DPYD: variants seen among roughly 807,000 people sequenced by gnomAD.
DPYD encodes dihydropyrimidine dehydrogenase [NADP(+)].
DPYD carries 109 observed loss-of-function variants against 116.2 expected under a neutral mutation model. The ratio of observed to expected loss-of-function variants is 0.94; its 90% CI spans 0.80 to 1.10. The LOEUF is 1.10. Among genes scored for constraint, DPYD ranks in the 50% least tolerant of loss-of-function variants. DPYD has a pLI of 0.00. For missense variants in DPYD, 1,302 were observed against 1,254.5 expected, an observed-to-expected ratio of 1.04 and a Z score of -0.57; for synonymous variants, 440 against 432.0, an observed-to-expected ratio of 1.02 and a Z score of -0.23.
chr1:97,866,355 T>C (rs984078691), intron 2 of DPYD, among the ~76,000 whole-genome samples: 43 of 151,952 alleles, frequency 2.8e-4, no homozygotes, highest in African/African-American at 1.0e-3. Flanking sequence ...CAGATACTGA[T>C]GGATGTGTTT....
In DPYD at chr1:97,515,898, A is replaced by G; in HGVS notation, c.1568T>C (p.Leu523Pro). 9 of 1,612,888 alleles carry G rather than the reference A, an allele frequency of 5.6e-6. No homozygotes were observed. The highest frequency in any genetic ancestry group is 1.3e-5 in the African/African-American group (1 of 74,968). ...CACCAGATCAATAGGAGTGTAAAAG[A>G]GGGGTAGTTCAGGCTTGGCAGAAAC... ...ASVSAKPELP[L>P]FYTPIDLVDI... The change falls in exon 13 of 23, where the codon CTC becomes CCC. Residue 523 changes from leucine (L) to proline (P), a missense_variant. Leu to Pro is a moderately conservative substitution (Grantham distance 98). Transcript: ENST00000370192.
chr1:97,763,965 C>A (rs1665716785), intron 3 of DPYD, among the ~76,000 whole-genome samples: 1 of 152,004 alleles, frequency 6.6e-6, no homozygotes, highest in South Asian at 2.1e-4. Flanking sequence ...CTAACAGTTA[C>A]TACATATTTT....
intron 10 of DPYD, among the ~76,000 whole-genome samples, chr1:97,580,936 G>T (rs2811211): frequency 0.89 from 134,596 of 152,044 alleles, 60,806 homozygotes; most frequent in East Asian, 0.98. Flanking sequence ...AGTTTAACTC[G>T]CATTTGGGGG....
chr1:97,839,202 T>A (rs189204620), intron 2 of DPYD, among the ~76,000 whole-genome samples: 94 of 152,338 alleles, frequency 6.2e-4, no homozygotes, highest in Non-Finnish European at 2.2e-4. Context: ...ATAAAGCATG[T>A]TGAAAATTAC....
intron 1 of DPYD, among the ~76,000 whole-genome samples, chr1:97,911,860 A>G (rs944625964): frequency 6.6e-6 from 1 of 152,088 alleles, no homozygotes; most frequent in African/African-American, 2.4e-5. Flanking sequence ...GAGGTTTATG[A>G]ATGTTCCATC....
At chr1:97,748,186 G>C (rs1018296478) in intron 3 of DPYD, among the ~76,000 whole-genome samples, 1 of 152,094 alleles carries the variant, frequency 6.6e-6, no homozygotes, top group Non-Finnish European at 1.5e-5. Context: ...CCTCTCAGGA[G>C]AACCAGAGAC....
chr1:97,130,909 C>A (rs1449394286), intron 20 of DPYD, among the ~76,000 whole-genome samples: 2 of 142,506 alleles, frequency 1.4e-5, no homozygotes, highest in African/African-American at 5.2e-5. Context: ...CTCCCTCACT[C>A]CCTCCCTCCC....
chr1:97,122,292 C>T (rs1458665726), intron 20 of DPYD, among the ~76,000 whole-genome samples: 1 of 152,082 alleles, frequency 6.6e-6, no homozygotes. Flanking sequence ...AAAGAGGAGA[C>T]AGACTTCATT....
chr1:97,665,311 T>C (rs534003420), intron 8 of DPYD, among the ~76,000 whole-genome samples: 1 of 152,314 alleles, frequency 6.6e-6, no homozygotes, highest in South Asian at 2.1e-4. Context: ...AAAATGTTTA[T>C]ATTTTAGTAA....
In DPYD at chr1:97,592,880, T is replaced by C. The variant is rs181837552; in HGVS notation, c.1128+338A>G. On this transcript the variant is annotated intron_variant, in intron 10 of 22. Transcript: ENST00000370192. ...GTCTTATTACCACATTCTTCTAATATGCATACATTTTGTGAAGAGTACCTA... is the reference window on the plus strand; with the variant it reads ...GTCTTATTACCACATTCTTCTAATACGCATACATTTTGTGAAGAGTACCTA... Among the ~76,000 whole-genome samples the C allele has an allele frequency of 2.2e-3, 336 of 152,324 alleles. 4 individuals are homozygous for C. The highest frequency in any genetic ancestry group is 7.6e-3 in the African/African-American group (314 of 41,584).
intron 13 of DPYD, among the ~76,000 whole-genome samples, chr1:97,457,500 T>A (rs1676751163): frequency 6.6e-6 from 1 of 152,188 alleles, no homozygotes; most frequent in African/African-American, 2.4e-5. Flanking sequence ...GTTTTGTTTT[T>A]TGACCTTCTC....
rs1369904064 is a variant in DPYD, at chr1:97,920,947, G to A, written c.-25C>T. 11 of 1,575,338 alleles carry A rather than the reference G, an allele frequency of 7.0e-6. No individual in the cohort carries two copies. The Admixed American group carries it at 1.3e-4, about 18-fold the overall frequency. On this transcript the variant is annotated 5_prime_UTR_variant, in exon 1 of 23. Transcript: ENST00000370192. ...TGGCAGTGCCTACAGTCTCGAGTCTGCCAGTGACAAACCCTCCTTGCGTCC... is the reference window on the plus strand; with the variant it reads ...TGGCAGTGCCTACAGTCTCGAGTCTACCAGTGACAAACCCTCCTTGCGTCC...
intron 16 of DPYD, among the ~76,000 whole-genome samples, chr1:97,360,965 T>G (rs1670691493): frequency 6.6e-6 from 1 of 151,942 alleles, no homozygotes; most frequent in African/African-American, 2.4e-5. Context: ...AGAGCAGAAC[T>G]GAAGGAGATA....
At chr1:97,150,153 A>G (rs1654914055) in intron 20 of DPYD, among the ~76,000 whole-genome samples, 1 of 152,048 alleles carries the variant, frequency 6.6e-6, no homozygotes, top group Admixed American at 6.5e-5. Flanking sequence ...CATTCCAAAT[A>G]TCTCTTTCTC....
At chr1:97,674,536 A>T (rs1229556423) in intron 8 of DPYD, among the ~76,000 whole-genome samples, 2 of 152,152 alleles carry the variant, frequency 1.3e-5, no homozygotes, top group African/African-American at 2.4e-5. Context: ...TCAGAAGATG[A>T]ACAATCAGAA....
At chr1:97,371,851 C>T (rs1036140762) in intron 16 of DPYD, among the ~76,000 whole-genome samples, 13 of 152,216 alleles carry the variant, frequency 8.5e-5, no homozygotes, top group South Asian at 4.1e-4. Context: ...GGAAATGTTC[C>T]TAAATTTTTT....
chr1:97,833,664 T>C (rs1433920063), intron 2 of DPYD, among the ~76,000 whole-genome samples: 2 of 152,068 alleles, frequency 1.3e-5, no homozygotes, highest in Non-Finnish European at 2.9e-5. Context: ...GTAAATCCAT[T>C]AGTACATTCA....
At chr1:97,600,148 A>C (rs1655159931) in intron 8 of DPYD, among the ~76,000 whole-genome samples, 1 of 152,168 alleles carries the variant, frequency 6.6e-6, no homozygotes, top group South Asian at 2.1e-4. Context: ...TTTTTCAATA[A>C]GACTTTGGTA....
At chr1:97,822,215 A>G (rs1205955200) in intron 3 of DPYD, among the ~76,000 whole-genome samples, 1 of 149,256 alleles carries the variant, frequency 6.7e-6, no homozygotes, top group Non-Finnish European at 1.5e-5. Flanking sequence ...TCTACAAGCA[A>G]TTTTGTTTCT....
Sources: allele counts gnomAD v4.1 joint callset (sites outside exome capture counted in the v4.1 genomes callset), GRCh38; gene constraint gnomAD v4.1.1; transcripts MANE v1.5; gene names NCBI Gene and HGNC (gene_info 2026-07-23, HGNC 2026-07-21).